ANKRD44: variants seen among roughly 807,000 people sequenced by gnomAD.
ANKRD44 encodes ankyrin repeat domain 44, also known as serine/threonine-protein phosphatase 6 regulatory ankyrin repeat subunit B.
In ANKRD44, 35 loss-of-function variants were observed where a neutral mutation model predicts 116.0. The observed-to-expected ratio is 0.30, with a 90% CI of 0.23 to 0.40. The LOEUF (loss-of-function observed/expected upper bound fraction) is 0.40, where lower values mean the gene tolerates loss of function less well. Ranked by LOEUF, ANKRD44 falls within the 10% of genes least tolerant of loss-of-function variation. ANKRD44 has a pLI of 1.00. For synonymous variants in ANKRD44, 435 were observed against 461.8 expected (o/e 0.94, Z 0.74); for missense variants, 1,014 against 1,242.6 (o/e 0.82, Z 2.77).
chr2:197,022,921 CTTA>C (rs1481131586), intron 17 of ANKRD44, among the ~76,000 whole-genome samples: 1 of 152,226 alleles, frequency 6.6e-6, no homozygotes, highest in Non-Finnish European at 1.5e-5. Flanking sequence ...ACCTGCAGCA[CTTA>C]TTGCCATCTG....
At chr2:197,250,233 T>C (rs759004926) in intron 1 of ANKRD44, among the ~76,000 whole-genome samples, 13 of 152,182 alleles carry the variant, frequency 8.5e-5, no homozygotes, top group Non-Finnish European at 1.8e-4. Flanking sequence ...GATTGCAAGA[T>C]AGCTGCAGTA....
At chr2:197,257,633 G>A (rs114279581) in intron 1 of ANKRD44, among the ~76,000 whole-genome samples, 8,184 of 152,128 alleles carry the variant, frequency 0.054, 320 homozygotes, top group Admixed American at 0.12. Flanking sequence ...GGGGATGGAT[G>A]CCCCATTCTC....
At chr2:196,980,209 A>C (rs1267059277) in intron 21 of ANKRD44, among the ~76,000 whole-genome samples, 1 of 152,226 alleles carries the variant, frequency 6.6e-6, no homozygotes, top group Non-Finnish European at 1.5e-5. Flanking sequence ...TGCCAAAAGG[A>C]AATGGGCTCA....
intron 2 of ANKRD44, among the ~76,000 whole-genome samples, chr2:197,163,801 T>C (rs1054589217): frequency 1.3e-5 from 2 of 152,172 alleles, no homozygotes; most frequent in African/African-American, 4.8e-5. Context: ...CTAATTTTTG[T>C]ATATTCAGTA....
chr2:197,060,783 A>G (rs2077295193), intron 16 of ANKRD44, among the ~76,000 whole-genome samples: 1 of 152,088 alleles, frequency 6.6e-6, no homozygotes, highest in Non-Finnish European at 1.5e-5. Context: ...TTCATGCAGT[A>G]TTTGTCTGAC....
chr2:197,271,943 T>C (rs1164706276), intron 1 of ANKRD44, among the ~76,000 whole-genome samples: 1 of 152,170 alleles, frequency 6.6e-6, no homozygotes, highest in Non-Finnish European at 1.5e-5. Context: ...ATTGCCTGAA[T>C]GTTTGTCCCC....
chr2:197,049,389 A>G (rs924477991), intron 16 of ANKRD44, among the ~76,000 whole-genome samples: 1 of 152,182 alleles, frequency 6.6e-6, no homozygotes, highest in Non-Finnish European at 1.5e-5. Context: ...GGATTTTTCC[A>G]TAACATTTAC....
At chr2:197,010,219 G>A (rs553848044) in intron 18 of ANKRD44, among the ~76,000 whole-genome samples, 1 of 152,158 alleles carries the variant, frequency 6.6e-6, no homozygotes, top group Non-Finnish European at 1.5e-5. Context: ...CTGATGGGTG[G>A]TGGCAGAAAA....
intron 16 of ANKRD44, among the ~76,000 whole-genome samples, chr2:197,064,700 C>A (rs1349325831): frequency 1.3e-5 from 2 of 152,070 alleles, no homozygotes; most frequent in Non-Finnish European, 2.9e-5. Flanking sequence ...TCAAAAGAGA[C>A]AAAGAAGGCC....
intron 7 of ANKRD44, among the ~76,000 whole-genome samples, chr2:197,122,030 G>C (rs150107345): frequency 6.6e-6 from 1 of 152,136 alleles, no homozygotes; most frequent in Non-Finnish European, 1.5e-5. Flanking sequence ...TCTGGAGTCC[G>C]ACACCTCACC....
At chr2:196,989,796 TG>T in intron 27 of ANKRD44, 147 bp from the exon 28 acceptor site, 1 of 1,445,414 alleles carries the variant, frequency 6.9e-7, no homozygotes, top group Non-Finnish European at 9.1e-7. Flanking sequence ...TTCACTGACT[TG>T]GTATGACCTT....
At chr2:197,008,656 G>A (rs1369943062) in intron 19 of ANKRD44, among the ~76,000 whole-genome samples, 1 of 152,174 alleles carries the variant, frequency 6.6e-6, no homozygotes, top group Non-Finnish European at 1.5e-5. Context: ...AGGTAAAAAT[G>A]GGCGGAAAGA....
chr2:197,256,002 G>A (rs567281528), intron 1 of ANKRD44, among the ~76,000 whole-genome samples: 32 of 152,310 alleles, frequency 2.1e-4, no homozygotes, highest in Admixed American at 7.2e-4. Context: ...TTGTTTGGAG[G>A]GGATTCTTAA....
chr2:196,998,299 T>C lies in ANKRD44; in HGVS notation c.2748+38A>G, dbSNP rs1430298872. 3 of 1,409,212 alleles carry C rather than the reference T, an allele frequency of 2.1e-6. No homozygotes were observed. The Admixed American group carries it at 5.1e-5, about 24-fold the overall frequency. 87.3% of individuals were successfully genotyped at this position (1,409,212 alleles called of 1,614,324 possible). ...AGTGTTATTATTACTGTTATTATTATAACGTGAAGTAATAATATTTTAAAT... is the reference window on the plus strand; with the variant it reads ...AGTGTTATTATTACTGTTATTATTACAACGTGAAGTAATAATATTTTAAAT... On this transcript the variant is annotated intron_variant, in intron 25 of 27. Coordinates refer to ENST00000282272, the MANE Select transcript of ANKRD44 (RefSeq NM_001195144.2).
At chr2:197,150,957 T>C (rs555672449) in intron 2 of ANKRD44, among the ~76,000 whole-genome samples, 1 of 152,242 alleles carries the variant, frequency 6.6e-6, no homozygotes, top group Non-Finnish European at 1.5e-5. Context: ...GGCAAAGAGA[T>C]GCCTTGTCCC....
At chr2:197,171,026 G>A (rs1470615846) in intron 2 of ANKRD44, among the ~76,000 whole-genome samples, 32 of 152,172 alleles carry the variant, frequency 2.1e-4, no homozygotes, top group Admixed American at 2.1e-3. Context: ...TTCATGCCAA[G>A]CATCCAGCGT....
intron 1 of ANKRD44, among the ~76,000 whole-genome samples, chr2:197,229,387 G>T (rs1355321805): frequency 6.6e-6 from 1 of 152,116 alleles, no homozygotes; most frequent in Non-Finnish European, 1.5e-5. Context: ...TTAACATTTT[G>T]ATATACTTTC....
chr2:197,004,394 T>G (rs1283629134), intron 21 of ANKRD44, among the ~76,000 whole-genome samples: 1 of 152,140 alleles, frequency 6.6e-6, no homozygotes, highest in African/African-American at 2.4e-5. Flanking sequence ...CATTAAACAT[T>G]CATTCATATC....
chr2:197,211,398 A>G (rs1414610239), intron 1 of ANKRD44, among the ~76,000 whole-genome samples: 2 of 152,164 alleles, frequency 1.3e-5, no homozygotes, highest in Non-Finnish European at 2.9e-5. Context: ...AGAAAATTTC[A>G]ATAACTTAGC....
Sources: gnomAD v4.1 joint callset for allele counts (sites outside exome capture counted in the v4.1 genomes callset) on GRCh38, gnomAD v4.1.1 for gene constraint, MANE v1.5 for transcripts, NCBI Gene and HGNC (gene_info 2026-07-23, HGNC 2026-07-21) for gene names.